DLGAP4: variants seen among roughly 807,000 people sequenced by gnomAD.
DLGAP4 encodes DLG associated protein 4.
A neutral mutation model predicts 86.9 loss-of-function variants in DLGAP4; 18 were observed. The ratio of observed to expected loss-of-function variants is 0.21; its 90% CI spans 0.14 to 0.31. The LOEUF (loss-of-function observed/expected upper bound fraction) is 0.31, where lower values mean the gene tolerates loss of function less well. DLGAP4 is among the 10% of genes least tolerant of loss of function. The pLI is 1.00. For synonymous variants in DLGAP4, 548 were observed against 574.3 expected (o/e 0.95, Z 0.65); for missense variants, 1,085 against 1,362.6 (o/e 0.80, Z 3.21).
At chr20:36,426,595 G>A (rs548849225) in intron 2 of DLGAP4, among the ~76,000 whole-genome samples, 2 of 152,214 alleles carry the variant, frequency 1.3e-5, no homozygotes, top group Admixed American at 1.3e-4. Flanking sequence ...TGCTTAATGG[G>A]TACAGAGTTT....
chr20:36,436,127 G>T lies in DLGAP4; in HGVS notation c.1018G>T (p.Glu340Ter). 6.3e-7 allele frequency: 1 copy of T among 1,576,556 alleles called. No homozygotes were observed. Residue 340 changes from glutamate to a stop codon, truncating the protein, a stop_gained, in exon 4 of 13, where the codon GAG (glutamate) becomes TAG (stop). Transcript: ENST00000339266. LOFTEE classifies it high-confidence loss of function. ...TCCCCAGGTGCCCGGCGGCGGCGGC[G>T]AGTGGAGCACCACGCTGCTGTCCCC... Reference protein sequence around the residue: ...HYLQVPGGGGEWSTTLLSPRE... With the variant: ...HYLQVPGGGG
At chr20:36,435,149 A>G (rs1296697200) in intron 3 of DLGAP4, among the ~76,000 whole-genome samples, 1 of 151,538 alleles carries the variant, frequency 6.6e-6, no homozygotes, top group East Asian at 1.9e-4. Context: ...CACTGGGGGT[A>G]CTCACTGAGG....
At position 36,350,539 on chromosome 20, in the gene DLGAP4, T is replaced by C. The variant is rs55724171; in HGVS notation, c.-303-16506T>C. ...TCCCTGGACTGTGAAATGGGCCTGA[T>C]AGTGTCCATCTGTCATTTCCCTGGG... On this transcript the variant is annotated intron_variant, in intron 1 of 12. Coordinates refer to ENST00000339266, the MANE Select transcript of DLGAP4 (RefSeq NM_001365621.2). This position sits in a 1 kb window ranked among gnomAD's most constrained non-coding sequence, Gnocchi z 4.4. Among the ~76,000 whole-genome samples the C allele has an allele frequency of 9.7e-4, 148 of 152,352 alleles. No homozygotes were observed. Among genetic ancestry groups the C allele is most frequent in the African/African-American group, 3.3e-3 (139 of 41,580 alleles).
chr20:36,439,448 T>C (rs777229295), intron 4 of DLGAP4, among the ~76,000 whole-genome samples: 2 of 152,110 alleles, frequency 1.3e-5, no homozygotes, highest in African/African-American at 4.8e-5. Context: ...AGGGGCCTGA[T>C]AGAAGCCACT....
At chr20:36,420,743 G>A (rs922424006) in intron 2 of DLGAP4, among the ~76,000 whole-genome samples, 2 of 152,124 alleles carry the variant, frequency 1.3e-5, no homozygotes, top group Non-Finnish European at 2.9e-5. Context: ...GGAGGCCGAG[G>A]CGGGCGGATC....
intron 10 of DLGAP4, among the ~76,000 whole-genome samples, chr20:36,509,258 A>G (rs954469859): frequency 6.6e-6 from 1 of 152,106 alleles, no homozygotes; most frequent in Admixed American, 6.6e-5. Flanking sequence ...CCTCATGTCT[A>G]CTACAAATGA....
intron 1 of DLGAP4, among the ~76,000 whole-genome samples, chr20:36,333,169 G>A (rs1289873014): frequency 1.3e-5 from 2 of 152,096 alleles, no homozygotes; most frequent in African/African-American, 4.8e-5. Context: ...TGGATTCCGA[G>A]GCCATCTGGT....
chr20:36,436,490 C>G, intron 4 of DLGAP4, 140 bp downstream of exon 4: 2 of 1,361,414 alleles, frequency 1.5e-6, no homozygotes, highest in Non-Finnish European at 1.9e-6. Flanking sequence ...CACGCCCACT[C>G]ATGAGTCCTG....
intron 11 of DLGAP4, chr20:36,525,563 T>C: frequency 2.0e-6 from 1 of 489,640 alleles, no homozygotes; most frequent in Non-Finnish European, 3.7e-6. Context: ...CTTCTGTTTC[T>C]TCCCTGCAAA....
intron 7 of DLGAP4, among the ~76,000 whole-genome samples, chr20:36,450,223 C>T (rs1253882725): frequency 1.3e-5 from 2 of 152,066 alleles, no homozygotes; most frequent in Non-Finnish European, 2.9e-5. Flanking sequence ...TCTGGGTGGG[C>T]GCAGTGGCTC....
In DLGAP4 at chr20:36,356,063, T is replaced by C. The variant is rs538418392; in HGVS notation, c.-303-10982T>C. 3.9e-5 allele frequency among the ~76,000 whole-genome samples: 6 copies of C among 152,360 alleles called. No homozygotes were observed. The South Asian group carries it at 1.2e-3, about 32-fold the overall frequency. On this transcript the variant is annotated intron_variant, in intron 1 of 12. Coordinates refer to ENST00000339266, the MANE Select transcript of DLGAP4 (RefSeq NM_001365621.2). The stretch of plus-strand genomic sequence containing the variant: ...TCAGAGTGACTCTTAGGACTGGCGC[T>C]GGAACAGCTGCCCTTTTTCATGCCC...
At chr20:36,367,504 G>GCCCATTTCC (rs1483839464) in intron 2 of DLGAP4, among the ~76,000 whole-genome samples, 1 of 152,244 alleles carries the variant, frequency 6.6e-6, no homozygotes, top group Non-Finnish European at 1.5e-5. Context: ...AGAGGAGTCA[G>GCCCATTTCC]CCTCAGAGAG....
intron 2 of DLGAP4, among the ~76,000 whole-genome samples, chr20:36,368,630 G>T (rs1481197235): frequency 6.6e-6 from 1 of 151,614 alleles, no homozygotes. Context: ...GCTGGTGCAG[G>T]ACAGGTGATA....
intron 2 of DLGAP4, among the ~76,000 whole-genome samples, chr20:36,399,387 C>G (rs1489880203): frequency 6.6e-6 from 1 of 152,208 alleles, no homozygotes; most frequent in African/African-American, 2.4e-5. Context: ...GAGACCCATG[C>G]CCTTGCTCTG....
intron 7 of DLGAP4, among the ~76,000 whole-genome samples, chr20:36,476,634 CCACCATTCTTT>C (rs1488739433): frequency 1.3e-5 from 2 of 148,236 alleles, no homozygotes; most frequent in Non-Finnish European, 3.0e-5. Flanking sequence ...TGGCCAGCAA[CCACCATTCTTT>C]CTATGAATTC....
intron 7 of DLGAP4, among the ~76,000 whole-genome samples, chr20:36,476,705 G>GGTT (rs2034951168): frequency 1.2e-5 from 1 of 85,344 alleles, no homozygotes; most frequent in African/African-American, 4.8e-5. Context: ...TTTTTTTTTG[G>GGTT]TTTTTTTTTT....
At chr20:36,307,184 C>T (rs2065011513) in intron 1 of DLGAP4, among the ~76,000 whole-genome samples, 1 of 152,132 alleles carries the variant, frequency 6.6e-6, no homozygotes, top group Non-Finnish European at 1.5e-5. Flanking sequence ...GACCCGGGCA[C>T]CTGGGCTGGG....
chr20:36,369,075 C>T (rs1439556413), intron 2 of DLGAP4, among the ~76,000 whole-genome samples: 2 of 152,114 alleles, frequency 1.3e-5, no homozygotes, highest in Non-Finnish European at 2.9e-5. Context: ...GTCAGCATCG[C>T]GTGGAAAGAT....
chr20:36,470,869 T>C (rs1013210850), intron 7 of DLGAP4, among the ~76,000 whole-genome samples: 1 of 152,182 alleles, frequency 6.6e-6, no homozygotes, highest in African/African-American at 2.4e-5. Flanking sequence ...CACCAGTTGT[T>C]TGTCCTCTAC....
Sources: gnomAD v4.1 joint callset for allele counts (sites outside exome capture counted in the v4.1 genomes callset) on GRCh38, gnomAD v4.1.1 for gene constraint, Gnocchi (gnomAD v3.1) non-coding constraint, MANE v1.5 for transcripts, NCBI Gene and HGNC (gene_info 2026-07-23, HGNC 2026-07-21) for gene names.